The following CFAP45 variants were observed in gnomAD, a reference collection of about 807,000 sequenced individuals.
CFAP45 encodes cilia- and flagella-associated protein 45.
Under a neutral mutation model 75.6 loss-of-function variants are expected in CFAP45, and 43 were observed. The ratio of observed to expected loss-of-function variants is 0.57; its 90% CI spans 0.45 to 0.73. The LOEUF is 0.73. Ranked by LOEUF, CFAP45 falls within the 30% of genes least tolerant of loss-of-function variation. The probability of loss-of-function intolerance (pLI) is 0.00; values close to 1 mark genes in which losing one functional copy is unlikely to be tolerated. For missense variants in CFAP45, 689 were observed against 701.5 expected, an observed-to-expected ratio of 0.98 and a Z score of 0.20; for synonymous variants, 223 against 244.6, an observed-to-expected ratio of 0.91 and a Z score of 0.82.
intron 8 of CFAP45, among the ~76,000 whole-genome samples, chr1:159,880,216 T>A (rs182839171): frequency 1.1e-3 from 168 of 152,330 alleles, no homozygotes; most frequent in Admixed American, 1.8e-3. Flanking sequence ...ACCGGGGGTA[T>A]AATTACGCAA....
At chr1:159,889,962 C>A (rs1214863906) in intron 3 of CFAP45, among the ~76,000 whole-genome samples, 2 of 152,230 alleles carry the variant, frequency 1.3e-5, no homozygotes, top group Admixed American at 6.5e-5. Context: ...AGCCTGGGGG[C>A]AGCTCTAGTC....
intron 2 of CFAP45, among the ~76,000 whole-genome samples, chr1:159,892,506 C>G (rs1649852589): frequency 1.3e-5 from 2 of 152,210 alleles, no homozygotes; most frequent in African/African-American, 4.8e-5. Context: ...ATTCAGGTCA[C>G]TACTAGTGTC....
intron 3 of CFAP45, among the ~76,000 whole-genome samples, chr1:159,889,535 GA>G (rs1201113310): frequency 1.3e-5 from 2 of 152,186 alleles, no homozygotes; most frequent in African/African-American, 4.8e-5. Context: ...GCAGTGATCC[GA>G]ATCTAAGACA....
Position 159,893,030 on chromosome 1 carries a change from C to G in CFAP45, c.129+150G>C, listed in dbSNP as rs890807621. 23 of 795,504 alleles carry G rather than the reference C, an allele frequency of 2.9e-5. No homozygotes were observed. The African/African-American group carries it at 4.0e-4, about 14-fold the overall frequency. The allele number at this position is 795,504 out of a possible 1,614,324, so 49.3% of individuals were successfully genotyped here. On this transcript the variant is annotated intron_variant, in intron 2 of 11. Coordinates refer to ENST00000368099, the MANE Select transcript of CFAP45 (RefSeq NM_012337.3). ...ATAGGCCCCACTAGATCCCAAAGCT[C>G]TGCAGCTCAGGTCTCAGAATTCCCC...
intron 1 of CFAP45, among the ~76,000 whole-genome samples, chr1:159,893,820 T>C (rs1649884462): frequency 6.6e-6 from 1 of 151,984 alleles, no homozygotes; most frequent in Non-Finnish European, 1.5e-5. Flanking sequence ...TAGTATTTGA[T>C]AGCGCAATAG....
chr1:159,898,699 C>A (rs1206378858), intron 1 of CFAP45, among the ~76,000 whole-genome samples: 1 of 152,100 alleles, frequency 6.6e-6, no homozygotes, highest in Non-Finnish European at 1.5e-5. Flanking sequence ...TAAAAGAGGA[C>A]AAAAGGGGAA....
In CFAP45 at chr1:159,893,311, G is replaced by C; in HGVS notation, c.4-6C>G. On this transcript the variant is annotated splice_polypyrimidine_tract_variant and splice_region_variant and intron_variant, in intron 1 of 11. Coordinates refer to ENST00000368099, the MANE Select transcript of CFAP45 (RefSeq NM_012337.3). ...ATGCCAGCTGTGCTTAGTGGCTGCA[G>C]GAAGAGGCAGAAAGTTTGGGTCATC... 1.9e-6 allele frequency: 3 copies of C among 1,612,580 alleles called. No homozygotes were observed. In the African/African-American group the frequency reaches 4.0e-5, roughly 21 times the overall value.
intron 6 of CFAP45, 76 bp from the exon 7 acceptor site, chr1:159,884,641 A>C: frequency 3.5e-6 from 5 of 1,436,294 alleles, no homozygotes; most frequent in Admixed American, 2.0e-5. Flanking sequence ...CACCTAAACA[A>C]CCCCCAAGAT....
Position 159,873,046 on chromosome 1 carries a change from T to C in CFAP45, c.1475A>G (p.Asn492Ser), listed in dbSNP as rs1030629414. The C allele has an allele frequency of 2.5e-6, 4 of 1,614,118 alleles. No individual in the cohort carries two copies. The African/African-American group carries it at 4.0e-5, about 16-fold the overall frequency. The change falls in exon 11 of 12, where the codon AAC (asparagine) becomes AGC (serine). Residue 492 changes from asparagine to serine, a missense_variant. Asn to Ser is a conservative substitution (Grantham distance 46). Coordinates refer to ENST00000368099, the MANE Select transcript of CFAP45 (RefSeq NM_012337.3). ...GCCCTCCTCAAAGGTGGCAATCCGG[T>C]TCTGCACTTCCTTCTGCTGGTTCTC... is the stretch of plus-strand genomic sequence containing the variant. ...VRENQQKEVQ[N>S]RIATFEEGRR...
Position 159,873,022 on chromosome 1 carries a change from C to G in CFAP45, c.1499G>C (p.Gly500Ala). The change falls in exon 11 of 12, where the codon GGC (glycine) becomes GCC (alanine). Residue 500 changes from glycine to alanine, a missense_variant. Physicochemically the swap from Gly to Ala is moderately conservative, Grantham distance 60. Coordinates refer to ENST00000368099, the MANE Select transcript of CFAP45 (RefSeq NM_012337.3). ...VQNRIATFEE[G>A]RRLKEEAQKR... ...CTGGGCCTCCTCTTTGAGGCGCCGG[C>G]CCTCCTCAAAGGTGGCAATCCGGTT... 3 of 1,614,266 alleles carry G rather than the reference C, an allele frequency of 1.9e-6. No individual in the cohort carries two copies. The African/African-American group carries it at 4.0e-5, about 22-fold the overall frequency.
chr1:159,884,385 G>T lies in CFAP45; in HGVS notation c.897+51C>A, dbSNP rs183286654. On this transcript the variant is annotated intron_variant, in intron 7 of 11. Transcript: ENST00000368099. ...CCCTGAAACCCCAGAGTCTTGAAGG[G>T]TTTTGATGCTGCAGCTGGTGAAACG... 5.1e-6 allele frequency: 8 copies of T among 1,565,570 alleles called. No individual in the cohort carries two copies. In the African/African-American group the frequency reaches 6.8e-5, roughly 13 times the overall value.
intron 5 of CFAP45, 101 bp from the exon 6 acceptor site, chr1:159,886,790 T>G: frequency 1.1e-6 from 1 of 878,676 alleles, no homozygotes; most frequent in African/African-American, 1.7e-5. Flanking sequence ...ATGCTGGAGG[T>G]GTGCATGACT....
At position 159,893,205 on chromosome 1, in the gene CFAP45, T is replaced by G; in HGVS notation, c.104A>C (p.Asp35Ala). Residue 35 changes from aspartate (D) to alanine (A), a missense_variant, in exon 2 of 12, where the codon GAT becomes GCT. Transcript: ENST00000368099. Reference protein sequence around the residue: ...YRTKAVSSEVDESLFGDIKSP... With the variant: ...YRTKAVSSEVAESLFGDIKSP... ...CTTGATATCTCCAAAGAGGCTCTCA[T>G]CCACCTCAGAGCTCACGGCTTTGGT... is the stretch of plus-strand genomic sequence containing the variant. 1 of 1,614,042 alleles carries G rather than the reference T, an allele frequency of 6.2e-7. No homozygotes were observed. The highest frequency in any genetic ancestry group is 8.5e-7 in the Non-Finnish European group (1 of 1,179,948).
At chr1:159,898,366 A>C (rs1649998455) in intron 1 of CFAP45, 1 of 305,432 alleles carries the variant, frequency 3.3e-6, no homozygotes, top group Non-Finnish European at 4.8e-6. Context: ...AGAGTTCTGG[A>C]AGTCTGCCTA....
chr1:159,882,423 G>A (rs1250421838), intron 7 of CFAP45, among the ~76,000 whole-genome samples: 1 of 152,036 alleles, frequency 6.6e-6, no homozygotes, highest in Non-Finnish European at 1.5e-5. Context: ...TTACTTTTTG[G>A]ATTGTTGTTT....
chr1:159,888,712 T>C (rs1208405118), intron 3 of CFAP45, among the ~76,000 whole-genome samples: 1 of 152,116 alleles, frequency 6.6e-6, no homozygotes, highest in African/African-American at 2.4e-5. Context: ...TTTAAGTCCT[T>C]TTTCTATTAG....
chr1:159,890,757 CTT>C (rs965390100), intron 2 of CFAP45, 135 bp from the exon 3 acceptor site: 6,948 of 315,104 alleles, frequency 0.022, no homozygotes, highest in Middle Eastern at 0.046. Context: ...CTTTTCTTTT[CTT>C]TTTTTTTTTT....
chr1:159,890,380 C>A, intron 3 of CFAP45, 100 bp downstream of exon 3: 1 of 1,106,872 alleles, frequency 9.0e-7, no homozygotes, highest in South Asian at 1.4e-5. Context: ...GGGGATTGGA[C>A]TGACAGAATG....
chr1:159,882,484 T>C (rs963865898), intron 7 of CFAP45, among the ~76,000 whole-genome samples: 2 of 152,206 alleles, frequency 1.3e-5, no homozygotes, highest in Non-Finnish European at 2.9e-5. Context: ...CCTGTTTCTT[T>C]TGAAGCCCTT....
Sources: gnomAD v4.1 joint callset for allele counts (sites outside exome capture counted in the v4.1 genomes callset) on GRCh38, gnomAD v4.1.1 for gene constraint, MANE v1.5 for transcripts, NCBI Gene and HGNC (gene_info 2026-07-23, HGNC 2026-07-21) for gene names.